LGI1: variants seen among roughly 807,000 people sequenced by gnomAD.
LGI1 encodes leucine rich glioma inactivated 1.
Under a neutral mutation model 57.7 loss-of-function variants are expected in LGI1, and 11 were observed. The observed-to-expected ratio is 0.19, with a 90% CI of 0.12 to 0.32. LGI1 has a LOEUF of 0.32. Ranked by LOEUF, LGI1 falls within the 10% of genes least tolerant of loss-of-function variation. The probability of loss-of-function intolerance (pLI) is 1.00; values close to 1 mark genes in which losing one functional copy is unlikely to be tolerated. For missense variants in LGI1, 422 were observed against 661.9 expected, an observed-to-expected ratio of 0.64 and a Z score of 3.98; for synonymous variants, 222 against 241.9, an observed-to-expected ratio of 0.92 and a Z score of 0.76.
At chr10:93,760,702 G>T (rs1269519342) in intron 2 of LGI1, among the ~76,000 whole-genome samples, 2 of 152,222 alleles carry the variant, frequency 1.3e-5, no homozygotes, top group Non-Finnish European at 2.9e-5. Context: ...CTGCTGCAGG[G>T]TAATGTGATT....
chr10:93,791,508 C>G (rs1044214599), intron 5 of LGI1: 1 of 152,202 alleles, frequency 6.6e-6, no homozygotes, highest in African/African-American at 2.4e-5. Flanking sequence ...CTCTAATATG[C>G]CCAAATCAAG....
chr10:93,798,061 C>G lies in LGI1; in HGVS notation c.*258C>G, dbSNP rs1365544593. ...TGTGTAAATAAGCGTTTAATGGTATCTGTTACTCCAAAAAGAAATATTAAT... is the reference window on the plus strand; with the variant it reads ...TGTGTAAATAAGCGTTTAATGGTATGTGTTACTCCAAAAAGAAATATTAAT... On this transcript the variant is annotated 3_prime_UTR_variant, in exon 8 of 8. Transcript: ENST00000371418. The G allele has an allele frequency of 2.0e-6, 1 of 512,812 alleles. No homozygotes were observed. Among genetic ancestry groups the G allele is most frequent in the Admixed American group, 3.6e-5 (1 of 27,840 alleles). The allele number at this position is 512,812 out of a possible 1,614,324, so 31.8% of individuals were successfully genotyped here.
intron 2 of LGI1, among the ~76,000 whole-genome samples, chr10:93,774,688 G>A (rs1223696471): frequency 1.3e-5 from 2 of 152,178 alleles, no homozygotes; most frequent in East Asian, 3.9e-4. Context: ...AGGTTGTGCA[G>A]TGTAGAACAC....
rs2059945249 is a variant in LGI1, at chr10:93,792,464, A to G, written c.504-279A>G. On this transcript the variant is annotated intron_variant, in intron 5 of 7. Coordinates refer to ENST00000371418, the MANE Select transcript of LGI1 (RefSeq NM_005097.4). ...ATTTTAAATTACAATTACGGTTCAT[A>G]TACTGTTTCTATTGACAGCACAGCC... 3 of 450,062 alleles carry G rather than the reference A, an allele frequency of 6.7e-6. No individual in the cohort carries two copies. The East Asian group carries it at 1.1e-4, about 17-fold the overall frequency. The allele number at this position is 450,062 out of a possible 1,614,324, so 27.9% of individuals were successfully genotyped here. A position where few individuals can be genotyped will look rare whatever the true frequency, so the allele number is the denominator to read the frequency against.
chr10:93,792,625 T>A (rs957932668), intron 5 of LGI1, 118 bp from the exon 6 acceptor site: 1 of 1,021,750 alleles, frequency 9.8e-7, no homozygotes, highest in Non-Finnish European at 1.6e-6. Flanking sequence ...AGGCAGGTTA[T>A]AGGGCAGGAT....
intron 4 of LGI1, chr10:93,782,691 C>T (rs896573673): frequency 1.3e-5 from 2 of 152,214 alleles, no homozygotes; most frequent in African/African-American, 4.8e-5. Context: ...AGTGTATATC[C>T]CCTTTAAACA....
intron 7 of LGI1, chr10:93,794,430 C>T (rs1242076014): frequency 7.6e-6 from 1 of 130,780 alleles, no homozygotes; most frequent in African/African-American, 2.8e-5. Context: ...GTGGCGTGAT[C>T]TGGGGTCAAT....
At chr10:93,768,201 G>A (rs1418133947) in intron 2 of LGI1, 4 of 152,088 alleles carry the variant, frequency 2.6e-5, no homozygotes, top group Non-Finnish European at 5.9e-5. Context: ...GGAAATTCTG[G>A]GCAAGACTGT....
rs1402360864 is a variant in LGI1 at position 93,758,032 on chromosome 10, A to G, written c.-113A>G. The G allele has an allele frequency of 3.3e-6, 3 of 908,148 alleles. No homozygotes were observed. The Admixed American group carries it at 5.9e-5, about 18-fold the overall frequency. The allele number at this position is 908,148 out of a possible 1,614,324, so 56.3% of individuals were successfully genotyped here. ...AGGTCTCTGTTTTGAAAAAGCAGAG[A>G]TACAGAGGCAGAGGAAAAGGGTGGA... On this transcript the variant is annotated 5_prime_UTR_variant, in exon 1 of 8. Transcript: ENST00000371418. The surrounding 1 kb of genome is among the most constrained non-coding windows in gnomAD (Gnocchi z 4.7).
At position 93,758,387 on chromosome 10, in the gene LGI1, A is replaced by G. The variant is rs1366812140; in HGVS notation, c.215+28A>G. On this transcript the variant is annotated intron_variant, in intron 1 of 7. Coordinates refer to ENST00000371418, the MANE Select transcript of LGI1 (RefSeq NM_005097.4). The surrounding 1 kb of genome is among the most constrained non-coding windows in gnomAD (Gnocchi z 4.7). The stretch of plus-strand genomic sequence containing the variant: ...AAGGCCCGTAAGCATTTTGATATCT[A>G]ATTTACGATTTAAAAATTCCAGCCG... The G allele has an allele frequency of 6.2e-7, 1 of 1,601,490 alleles. No individual in the cohort carries two copies. The highest frequency in any genetic ancestry group is 8.6e-7 in the Non-Finnish European group (1 of 1,169,004).
In LGI1 at chr10:93,758,495, A is replaced by G; in HGVS notation, c.215+136A>G. The G allele has an allele frequency of 1.1e-6, 1 of 938,492 alleles. No individual in the cohort carries two copies. Among genetic ancestry groups the G allele is most frequent in the Non-Finnish European group, 1.7e-6 (1 of 590,918 alleles). The allele number at this position is 938,492 out of a possible 1,614,324, so 58.1% of individuals were successfully genotyped here. A position where few individuals can be genotyped will look rare whatever the true frequency, so the allele number is the denominator to read the frequency against. ...GCATGCTTGGCCATTTGACAGTGCT[A>G]ACATTTGCTGCATTTAGAATTTTTG... On this transcript the variant is annotated intron_variant, in intron 1 of 7. Transcript: ENST00000371418. This position sits in a 1 kb window ranked among gnomAD's most constrained non-coding sequence, Gnocchi z 4.7.
At chr10:93,782,804 A>C (rs2059858118) in intron 4 of LGI1, 1 of 152,220 alleles carries the variant, frequency 6.6e-6, no homozygotes, top group Non-Finnish European at 1.5e-5. Flanking sequence ...TGCACCCCAG[A>C]TGGCTGTGGG....
Position 93,797,497 on chromosome 10 carries a change from A to C in LGI1, c.1368A>C (p.Lys456Asn), listed in dbSNP as rs369166517. 6.2e-7 allele frequency: 1 copy of C among 1,614,222 alleles called. No individual in the cohort carries two copies. The highest frequency in any genetic ancestry group is 1.1e-5 in the South Asian group (1 of 91,090). Residue 456 changes from lysine to asparagine, a missense_variant, in exon 8 of 8, where the codon AAA becomes AAC. Around this residue, in one of 3 missense-constraint regions of LGI1, gnomAD observed 301 missense variants for 461.7 expected, o/e 0.65. Transcript: ENST00000371418. This position sits in a 1 kb window ranked among gnomAD's most constrained non-coding sequence, Gnocchi z 6.5. ...ICLTRFIGDSKVMKWGGSSFQ... is the reference protein window; with the variant it reads ...ICLTRFIGDSNVMKWGGSSFQ... ...TGACAAGATTCATTGGTGATTCCAA[A>C]GTCATGAAATGGGGAGGCTCCTCGT...
At chr10:93,796,663 G>A (rs1210541676) in intron 7 of LGI1, among the ~76,000 whole-genome samples, 1 of 152,190 alleles carries the variant, frequency 6.6e-6, no homozygotes, top group Non-Finnish European at 1.5e-5. Flanking sequence ...GGAAACTAAT[G>A]CTTTCTTTCT....
intron 5 of LGI1, chr10:93,791,949 A>C (rs1052950391): frequency 1.3e-5 from 2 of 152,216 alleles, no homozygotes; most frequent in Non-Finnish European, 2.9e-5. Context: ...ACATTACAAT[A>C]ATCACTACAT....
At chr10:93,792,076 T>A (rs1006606795) in intron 5 of LGI1, 8 of 152,566 alleles carry the variant, frequency 5.2e-5, no homozygotes, top group African/African-American at 1.9e-4. Context: ...TTACTTAATT[T>A]TTTAACAGTT....
At position 93,797,546 on chromosome 10, in the gene LGI1, T is replaced by G; in HGVS notation, c.1417T>G (p.Ser473Ala). 1.2e-6 allele frequency: 2 copies of G among 1,614,174 alleles called. No individual in the cohort carries two copies. The highest frequency in any genetic ancestry group is 1.7e-6 in the Non-Finnish European group (2 of 1,180,008). Reference protein sequence around the residue: ...SSFQDIQRMPSRGSMVFQPLQ... With the variant: ...SSFQDIQRMPARGSMVFQPLQ... ...GTTCCAGGATATTCAGAGGATGCCA[T>G]CGCGAGGATCCATGGTGTTCCAGCC... The change falls in exon 8 of 8, where the codon TCG becomes GCG. Residue 473 changes from serine (S) to alanine (A), a missense_variant. Physicochemically the swap from Ser to Ala is moderately conservative, Grantham distance 99. Transcript: ENST00000371418. The surrounding 1 kb of genome is among the most constrained non-coding windows in gnomAD (Gnocchi z 6.5).
intron 5 of LGI1, chr10:93,790,435 A>T (rs1356362555): frequency 2.2e-6 from 1 of 445,536 alleles, no homozygotes; most frequent in East Asian, 4.1e-5. Context: ...GCGATGATAA[A>T]GGACTTTGAC....
chr10:93,773,874 T>G (rs1020169858), intron 2 of LGI1, among the ~76,000 whole-genome samples: 14 of 152,110 alleles, frequency 9.2e-5, no homozygotes, highest in Non-Finnish European at 1.5e-5. Context: ...CCGCACAACC[T>G]CTGCACAAAC....
Sources: gnomAD v4.1 joint callset for allele counts (sites outside exome capture counted in the v4.1 genomes callset) on GRCh38, gnomAD v4.1.1 for gene constraint, gnomAD v4.1.1 regional missense constraint, Gnocchi (gnomAD v3.1) non-coding constraint, MANE v1.5 for transcripts, NCBI Gene and HGNC (gene_info 2026-07-23, HGNC 2026-07-21) for gene names.